The following ANKDD1B variants were observed in gnomAD, a reference collection of about 807,000 sequenced individuals.
The protein encoded by ANKDD1B is ankyrin repeat and death domain containing 1B.
ANKDD1B carries 57 observed loss-of-function variants against 59.7 expected under a neutral mutation model. That is an observed-to-expected ratio of 0.95 (90% CI 0.77 to 1.19). The LOEUF (loss-of-function observed/expected upper bound fraction) is 1.19, where lower values mean the gene tolerates loss of function less well. Among genes scored for constraint, ANKDD1B ranks in the 50% most tolerant of loss-of-function variants. ANKDD1B has a pLI of 0.00. For synonymous variants in ANKDD1B, 216 were observed against 239.5 expected (o/e 0.90, Z 0.91); for missense variants, 602 against 641.9 (o/e 0.94, Z 0.67).
intron 2 of ANKDD1B, among the ~76,000 whole-genome samples, chr5:75,617,122 T>G (rs544244242): frequency 6.6e-6 from 1 of 151,620 alleles, no homozygotes; most frequent in Non-Finnish European, 1.5e-5. Flanking sequence ...AGAAGGGGAG[T>G]GCACAGAATC....
chr5:75,650,424 A>T (rs577188442), intron 7 of ANKDD1B, among the ~76,000 whole-genome samples: 13 of 152,330 alleles, frequency 8.5e-5, no homozygotes, highest in African/African-American at 3.1e-4. Flanking sequence ...AGAGACAAGG[A>T]AGTGGATTCT....
At chr5:75,662,826 C>A (rs1368632618) in intron 10 of ANKDD1B, among the ~76,000 whole-genome samples, 11 of 152,158 alleles carry the variant, frequency 7.2e-5, no homozygotes, top group African/African-American at 2.7e-4. Flanking sequence ...TGGTGAGAGG[C>A]AGTATGGTAT....
At chr5:75,664,574 A>G (rs1250344432) in intron 11 of ANKDD1B, among the ~76,000 whole-genome samples, 1 of 152,200 alleles carries the variant, frequency 6.6e-6, no homozygotes, top group African/African-American at 2.4e-5. Context: ...TATTGAAGAC[A>G]ACTTTGCCAA....
chr5:75,649,135 T>C (rs963563554), intron 7 of ANKDD1B, among the ~76,000 whole-genome samples: 1 of 151,796 alleles, frequency 6.6e-6, no homozygotes, highest in East Asian at 1.9e-4. Context: ...CTGGAGGTCC[T>C]ACCTCACATT....
At chr5:75,630,850 C>T (rs762593441) in intron 5 of ANKDD1B, among the ~76,000 whole-genome samples, 6 of 152,198 alleles carry the variant, frequency 3.9e-5, no homozygotes, top group African/African-American at 1.4e-4. Context: ...CATAGGTATA[C>T]TTTTCATATA....
intron 9 of ANKDD1B, among the ~76,000 whole-genome samples, chr5:75,658,295 A>C (rs1453088985): frequency 6.6e-6 from 1 of 152,210 alleles, no homozygotes; most frequent in Non-Finnish European, 1.5e-5. Context: ...AGTGGGCCAC[A>C]TGCCATTGCC....
intron 7 of ANKDD1B, among the ~76,000 whole-genome samples, chr5:75,637,240 C>CAAAAAAAAAAAAAAAA (rs55640131): frequency 8.7e-4 from 61 of 69,930 alleles, no homozygotes; most frequent in South Asian, 2.1e-3. Flanking sequence ...GACTCTGTCT[C>CAAAAAAAAAAAAAAAA]AAAAAAAAAA....
rs1015728166 is a variant in ANKDD1B at position 75,632,810 on chromosome 5, T to C, written c.601-2088T>C. Among the ~76,000 whole-genome samples, 7 of 152,248 alleles carry C rather than the reference T, an allele frequency of 4.6e-5. No individual in the cohort carries two copies. The East Asian group carries it at 1.3e-3, about 29-fold the overall frequency. Reference sequence around the variant, plus strand: ...ACATTACATTATAATTACTTGCTTATGTGTCCATCTCTCCTTTTGGACTCT... The same window carrying C: ...ACATTACATTATAATTACTTGCTTACGTGTCCATCTCTCCTTTTGGACTCT... On this transcript the variant is annotated intron_variant, in intron 5 of 13. Coordinates refer to ENST00000601380, the MANE Select transcript of ANKDD1B (RefSeq NM_001276713.2).
chr5:75,671,371 CAAG>C lies in ANKDD1B; in HGVS notation c.*332_*334del, dbSNP rs1456221545. On this transcript the variant is annotated 3_prime_UTR_variant, in exon 14 of 14. Transcript: ENST00000601380. ...GCAGCATCATGGTACAGTAAAAAAA[CAAG>C]GGTTTTTATAATAGACAAATATGGT... is the stretch of plus-strand genomic sequence containing the variant. The C allele has an allele frequency of 1.1e-5, 2 of 182,026 alleles. No homozygotes were observed. Among genetic ancestry groups the C allele is most frequent in the African/African-American group, 4.7e-5 (2 of 42,942 alleles). 11.3% of individuals were successfully genotyped at this position (182,026 alleles called of 1,614,324 possible).
chr5:75,620,054 A>C (rs1316155151), intron 2 of ANKDD1B, among the ~76,000 whole-genome samples: 1 of 152,220 alleles, frequency 6.6e-6, no homozygotes, highest in Non-Finnish European at 1.5e-5. Flanking sequence ...GCTACAATAC[A>C]GTACAATATA....
At chr5:75,669,550 T>A (rs776643324) in intron 13 of ANKDD1B, among the ~76,000 whole-genome samples, 167 bp downstream of exon 13, 1 of 152,212 alleles carries the variant, frequency 6.6e-6, no homozygotes, top group South Asian at 2.1e-4. Flanking sequence ...AGCTTCTCCT[T>A]TGGGGAATGA....
chr5:75,625,501 A>T (rs1773966880), intron 3 of ANKDD1B, 146 bp from the exon 4 acceptor site: 2 of 643,820 alleles, frequency 3.1e-6, no homozygotes, highest in Non-Finnish European at 5.3e-6. Flanking sequence ...TCCCCATAGG[A>T]CCGAAATATC....
intron 7 of ANKDD1B, among the ~76,000 whole-genome samples, chr5:75,636,773 G>A (rs1774314639): frequency 6.6e-6 from 1 of 152,174 alleles, no homozygotes; most frequent in Admixed American, 6.5e-5. Flanking sequence ...AGAGTCCACA[G>A]GACTTGTGAC....
At chr5:75,664,982 C>T (rs905806275) in intron 11 of ANKDD1B, among the ~76,000 whole-genome samples, 12 of 152,032 alleles carry the variant, frequency 7.9e-5, no homozygotes, top group Admixed American at 7.9e-4. Context: ...TATATCCTCG[C>T]CTAATATAAA....
Position 75,625,908 on chromosome 5 carries a change from T to C in ANKDD1B, c.553T>C (p.Tyr185His). The C allele has an allele frequency of 6.5e-7, 1 of 1,536,154 alleles. No individual in the cohort carries two copies. The highest frequency in any genetic ancestry group is 8.7e-7 in the Non-Finnish European group (1 of 1,146,888). Residue 185 changes from tyrosine to histidine, a missense_variant, in exon 5 of 14, where the codon TAT becomes CAT. By Grantham distance (83) the Tyr-to-His change is moderately conservative (BLOSUM62 2). Coordinates refer to ENST00000601380, the MANE Select transcript of ANKDD1B (RefSeq NM_001276713.2). ...TQSNHVRIVEYLIQDLHLKDL... is the reference protein window; with the variant it reads ...TQSNHVRIVEHLIQDLHLKDL... The stretch of plus-strand genomic sequence containing the variant: ...GAGCAATCATGTGCGCATCGTGGAG[T>C]ATCTTATTCAAGATCTGCACCTCAA...
In ANKDD1B at chr5:75,611,474, A is replaced by G; in HGVS notation, c.-161A>G. ...GCTTGTTGCCCAGCGAACCGCCACAACAGAGAGCGGACTCGATCCTGCGCT... is the reference window on the plus strand; with the variant it reads ...GCTTGTTGCCCAGCGAACCGCCACAGCAGAGAGCGGACTCGATCCTGCGCT... On this transcript the variant is annotated 5_prime_UTR_variant, in exon 1 of 14. Transcript: ENST00000601380. 2.1e-6 allele frequency: 1 copy of G among 479,298 alleles called. No homozygotes were observed. Among genetic ancestry groups the G allele is most frequent in the Admixed American group, 4.4e-5 (1 of 22,800 alleles). The allele number at this position is 479,298 out of a possible 1,614,324, so 29.7% of individuals were successfully genotyped here. A position where few individuals can be genotyped will look rare whatever the true frequency, so the allele number is the denominator to read the frequency against.
chr5:75,630,293 A>G (rs530719989), intron 5 of ANKDD1B, among the ~76,000 whole-genome samples: 6 of 152,382 alleles, frequency 3.9e-5, no homozygotes, highest in Admixed American at 1.3e-4. Flanking sequence ...TATGTACTCA[A>G]TGAGAGAAAA....
rs750322862 is a variant in ANKDD1B at position 75,671,812 on chromosome 5, T to C, written c.*772T>C. 6.7e-6 allele frequency: 1 copy of C among 148,218 alleles called. No homozygotes were observed. Among genetic ancestry groups the C allele is most frequent in the Non-Finnish European group, 1.5e-5 (1 of 67,108 alleles). 9.2% of individuals were successfully genotyped at this position (148,218 alleles called of 1,614,324 possible). A position where few individuals can be genotyped will look rare whatever the true frequency, so the allele number is the denominator to read the frequency against. ...AAGAACATGCATTATTTTTGTAATCTAAGAGTTATGAAATAAATGTAAAAT... is the reference window on the plus strand; with the variant it reads ...AAGAACATGCATTATTTTTGTAATCCAAGAGTTATGAAATAAATGTAAAAT... On this transcript the variant is annotated 3_prime_UTR_variant, in exon 14 of 14. Transcript: ENST00000601380.
intron 10 of ANKDD1B, among the ~76,000 whole-genome samples, chr5:75,661,004 A>C (rs1775121717): frequency 6.6e-6 from 1 of 151,856 alleles, no homozygotes; most frequent in Non-Finnish European, 1.5e-5. Flanking sequence ...TCCATTTTAC[A>C]TGTGTAGGAT....
Sources: allele counts gnomAD v4.1 joint callset (sites outside exome capture counted in the v4.1 genomes callset), GRCh38; gene constraint gnomAD v4.1.1; transcripts MANE v1.5; gene names NCBI Gene and HGNC (gene_info 2026-07-23, HGNC 2026-07-21).